The following BMP4 variants were observed in gnomAD, a reference collection of about 807,000 sequenced individuals.
BMP4 encodes the protein bone morphogenetic protein 4, also known as bone morphogenetic protein 2B.
Under a neutral mutation model 29.6 loss-of-function variants are expected in BMP4, and 3 were observed. That is an observed-to-expected ratio of 0.10 (90% CI 0.05 to 0.26). The LOEUF (loss-of-function observed/expected upper bound fraction) is 0.26, where lower values mean the gene tolerates loss of function less well. BMP4 is among the 10% of genes least tolerant of loss of function. BMP4 has a pLI of 1.00. For missense variants in BMP4, 455 were observed against 550.2 expected (o/e 0.83, Z 1.73); for synonymous variants, 197 against 213.2 (o/e 0.92, Z 0.66).
Position 53,955,232 on chromosome 14 carries a change from G to A in BMP4, c.-133+1318C>T, listed in dbSNP as rs1285989761. ...AGGTCCAGAAGTAGAGAAAGCAGAC[G>A]GAGGCAAGCTGTGCCCGCGGGGCAA... is the stretch of plus-strand genomic sequence containing the variant. On this transcript the variant is annotated intron_variant, in intron 1 of 3. Coordinates refer to ENST00000245451, the MANE Select transcript of BMP4 (RefSeq NM_001202.6). The surrounding 1 kb of genome is among the most constrained non-coding windows in gnomAD (Gnocchi z 4.0). 6.6e-6 allele frequency among the ~76,000 whole-genome samples: 1 copy of A among 152,208 alleles called. No individual in the cohort carries two copies. Among genetic ancestry groups the A allele is most frequent in the Non-Finnish European group, 1.5e-5 (1 of 68,036 alleles).
intron 2 of BMP4, 31 bp downstream of exon 2, chr14:53,953,245 G>T: frequency 2.5e-6 from 1 of 396,712 alleles, no homozygotes; most frequent in South Asian, 1.3e-4. Flanking sequence ...AGTGAATTCC[G>T]GGGAGGGGGA....
intron 2 of BMP4, among the ~76,000 whole-genome samples, chr14:53,952,856 C>G (rs902171543): frequency 3.9e-5 from 6 of 152,154 alleles, no homozygotes; most frequent in Non-Finnish European, 7.4e-5. Context: ...GCCAAAAGTG[C>G]CTGATCGTGC....
rs1480440259 is a variant in BMP4 at position 53,954,171 on chromosome 14, G to C, written c.-132-771C>G. Among the ~76,000 whole-genome samples the C allele has an allele frequency of 6.6e-6, 1 of 152,038 alleles. No individual in the cohort carries two copies. The highest frequency in any genetic ancestry group is 2.4e-5 in the African/African-American group (1 of 41,398). On this transcript the variant is annotated intron_variant, in intron 1 of 3. Transcript: ENST00000245451. This position sits in a 1 kb window ranked among gnomAD's most constrained non-coding sequence, Gnocchi z 4.8. The stretch of plus-strand genomic sequence containing the variant: ...TCGCTGTGGGAAAGTGAGAGGGAGC[G>C]GCTGTTAGTCATTGCTCCGGGTCCA...
intron 2 of BMP4, among the ~76,000 whole-genome samples, chr14:53,952,624 G>A (rs1417674677): frequency 6.6e-6 from 1 of 152,174 alleles, no homozygotes; most frequent in African/African-American, 2.4e-5. Flanking sequence ...AAATGGCATT[G>A]CTCTCCACTT....
chr14:53,952,741 C>A (rs1566582317), intron 2 of BMP4, among the ~76,000 whole-genome samples: 1 of 151,964 alleles, frequency 6.6e-6, no homozygotes, highest in Non-Finnish European at 1.5e-5. Flanking sequence ...AGGGGCTGGG[C>A]GAAGACAGAG....
rs185647938 is a variant in BMP4, at chr14:53,950,004, T to A, written c.*28A>T. 3.6e-4 allele frequency: 584 copies of A among 1,613,230 alleles called. 3 individuals are homozygous for A. The African/African-American group carries it at 7.1e-3, about 20-fold the overall frequency. ...GTGGTGTGTGTGTGTGGTGTGTATA[T>A]CTGTCTATCCTCAAGGACTGCCTGA... On this transcript the variant is annotated 3_prime_UTR_variant, in exon 4 of 4. Coordinates refer to ENST00000245451, the MANE Select transcript of BMP4 (RefSeq NM_001202.6). The surrounding 1 kb of genome is among the most constrained non-coding windows in gnomAD (Gnocchi z 5.4).
intron 1 of BMP4, 26 bp from the exon 2 acceptor site, chr14:53,953,426 A>G: frequency 5.0e-6 from 2 of 398,956 alleles, no homozygotes; most frequent in Non-Finnish European, 4.4e-6. Context: ...GAATATAATG[A>G]GACTCCACCG....
Position 53,951,946 on chromosome 14 carries a change from C to T in BMP4, c.277G>A (p.Glu93Lys). 1.9e-6 allele frequency: 3 copies of T among 1,609,134 alleles called. No homozygotes were observed. Among genetic ancestry groups the T allele is most frequent in the Admixed American group, 1.7e-5 (1 of 60,028 alleles). ...CTGTGGATCTGCTCTTCCTCCTCCT[C>T]CCCAGACTGAAGCCGGTAAAGATCC... ...MRDLYRLQSG[E>K]EEEEQIHSTG... The change falls in exon 3 of 4, where the codon GAG (glutamate) becomes AAG (lysine). Residue 93 changes from glutamate to lysine, a missense_variant. Transcript: ENST00000245451.
chr14:53,955,560 G>A lies in BMP4; in HGVS notation c.-133+990C>T, dbSNP rs1895684361. ...TCGAATCTTCTCCTAATGCCGAAATGTGTTTACAGGTAGCCTCAGTTTACC... is the reference window on the plus strand; with the variant it reads ...TCGAATCTTCTCCTAATGCCGAAATATGTTTACAGGTAGCCTCAGTTTACC... On this transcript the variant is annotated intron_variant, in intron 1 of 3. Coordinates refer to ENST00000245451, the MANE Select transcript of BMP4 (RefSeq NM_001202.6). This position sits in a 1 kb window ranked among gnomAD's most constrained non-coding sequence, Gnocchi z 4.0. 2 of 152,250 alleles carry A rather than the reference G, an allele frequency of 1.3e-5. No individual in the cohort carries two copies. The highest frequency in any genetic ancestry group is 1.3e-4 in the Admixed American group (2 of 15,286). 9.4% of individuals were successfully genotyped at this position (152,250 alleles called of 1,614,324 possible).
chr14:53,952,369 G>T, intron 2 of BMP4, 140 bp from the exon 3 acceptor site: 1 of 1,105,704 alleles, frequency 9.0e-7, no homozygotes, highest in Non-Finnish European at 1.3e-6. Context: ...GATCAAGTTT[G>T]TGTCTTCTCC....
rs367958159 is a variant in BMP4, at chr14:53,950,913, G to T, written c.371-25C>A. 6 of 1,599,188 alleles carry T rather than the reference G, an allele frequency of 3.8e-6. No homozygotes were observed. In the African/African-American group the frequency reaches 6.7e-5, roughly 18 times the overall value. On this transcript the variant is annotated intron_variant, in intron 3 of 3. Coordinates refer to ENST00000245451, the MANE Select transcript of BMP4 (RefSeq NM_001202.6). This position sits in a 1 kb window ranked among gnomAD's most constrained non-coding sequence, Gnocchi z 5.4. ...TCTAGGCACAGTTAGGAAGGAAGGGGAAAAGAAAAAGCATATGAACTTTTT... is the reference window on the plus strand; with the variant it reads ...TCTAGGCACAGTTAGGAAGGAAGGGTAAAAGAAAAAGCATATGAACTTTTT...
In BMP4 at chr14:53,955,530, C is replaced by T. The variant is rs547863493; in HGVS notation, c.-133+1020G>A. 8 of 152,390 alleles carry T rather than the reference C, an allele frequency of 5.2e-5. No individual in the cohort carries two copies. The highest frequency in any genetic ancestry group is 1.9e-4 in the African/African-American group (8 of 41,582). 9.4% of individuals were successfully genotyped at this position (152,390 alleles called of 1,614,324 possible). A position where few individuals can be genotyped will look rare whatever the true frequency, so the allele number is the denominator to read the frequency against. ...ACTCGGGGTGGTTGTCCTTCACTTCCCTACTCGAATCTTCTCCTAATGCCG... is the reference window on the plus strand; with the variant it reads ...ACTCGGGGTGGTTGTCCTTCACTTCTCTACTCGAATCTTCTCCTAATGCCG... On this transcript the variant is annotated intron_variant, in intron 1 of 3. Coordinates refer to ENST00000245451, the MANE Select transcript of BMP4 (RefSeq NM_001202.6). The surrounding 1 kb of genome is among the most constrained non-coding windows in gnomAD (Gnocchi z 4.0).
rs1191198347 is a variant in BMP4 at position 53,950,227 on chromosome 14, T to C, written c.1032A>G (p.Pro344=). 5.0e-6 allele frequency: 8 copies of C among 1,614,172 alleles called. No individual in the cohort carries two copies. In the Admixed American group the frequency reaches 1.2e-4, roughly 24 times the overall value. ...TGGTTGAGTTGAGGTGGTCAGCCAG[T>C]GGAAAGGGGCAGTCCCCATGGCAGT... is the stretch of plus-strand genomic sequence containing the variant. ...AFYCHGDCPF[P]LADHLNSTNH... is the part of the protein sequence containing the mutation. Residue 344 remains proline (P), a synonymous_variant, in exon 4 of 4, where the codon CCA becomes CCG. Coordinates refer to ENST00000245451, the MANE Select transcript of BMP4 (RefSeq NM_001202.6). This position sits in a 1 kb window ranked among gnomAD's most constrained non-coding sequence, Gnocchi z 5.4.
intron 3 of BMP4, 69 bp downstream of exon 3, chr14:53,951,784 A>C (rs1285076271): frequency 6.4e-7 from 1 of 1,572,838 alleles, no homozygotes; most frequent in East Asian, 2.2e-5. Flanking sequence ...CTTCTTCCCC[A>C]GGGCTTTCAC....
At chr14:53,951,747 G>A in intron 3 of BMP4, 106 bp downstream of exon 3, 1 of 1,495,728 alleles carries the variant, frequency 6.7e-7, no homozygotes, top group African/African-American at 1.4e-5. Flanking sequence ...CAGCCTCCTG[G>A]ACTGGGGCTT....
chr14:53,954,511 T>G lies in BMP4; in HGVS notation c.-132-1111A>C, dbSNP rs1304101686. The G allele has an allele frequency of 6.6e-6, 1 of 151,976 alleles. No individual in the cohort carries two copies. The highest frequency in any genetic ancestry group is 1.5e-5 in the Non-Finnish European group (1 of 68,070). The allele number at this position is 151,976 out of a possible 1,614,324, so 9.4% of individuals were successfully genotyped here. ...TCTCTCTCGCCTCGGCTTCCCTTAT[T>G]TTTTAAACCACCACCACACTCCTTC... On this transcript the variant is annotated intron_variant, in intron 1 of 3. Coordinates refer to ENST00000245451, the MANE Select transcript of BMP4 (RefSeq NM_001202.6). This position sits in a 1 kb window ranked among gnomAD's most constrained non-coding sequence, Gnocchi z 4.8.
In BMP4 at chr14:53,954,506, C is replaced by T. The variant is rs1895629031; in HGVS notation, c.-132-1106G>A. On this transcript the variant is annotated intron_variant, in intron 1 of 3. Transcript: ENST00000245451. This position sits in a 1 kb window ranked among gnomAD's most constrained non-coding sequence, Gnocchi z 4.8. ...CTGCGTCTCTCTCGCCTCGGCTTCC[C>T]TTATTTTTTAAACCACCACCACACT... 1 of 152,208 alleles carries T rather than the reference C, an allele frequency of 6.6e-6. No homozygotes were observed. The highest frequency in any genetic ancestry group is 1.5e-5 in the Non-Finnish European group (1 of 68,108). The allele number at this position is 152,208 out of a possible 1,614,324, so 9.4% of individuals were successfully genotyped here. A position where few individuals can be genotyped will look rare whatever the true frequency, so the allele number is the denominator to read the frequency against.
chr14:53,950,513 C>A lies in BMP4; in HGVS notation c.746G>T (p.Gly249Val). The A allele has an allele frequency of 1.2e-6, 2 of 1,614,210 alleles. No individual in the cohort carries two copies. The highest frequency in any genetic ancestry group is 8.5e-7 in the Non-Finnish European group (1 of 1,180,034). Residue 249 changes from glycine (G) to valine (V), a missense_variant, in exon 4 of 4, where the codon GGC (glycine) becomes GTC (valine). Coordinates refer to ENST00000245451, the MANE Select transcript of BMP4 (RefSeq NM_001202.6). The surrounding 1 kb of genome is among the most constrained non-coding windows in gnomAD (Gnocchi z 5.4). ...THLHQTRTHQ[G>V]QHVRISRSLP... ...CGATCGGCTAATCCTGACATGCTGG[C>A]CCTGGTGGGTCCGAGTCTGATGGAG...
At chr14:53,956,856 C>T (rs1397454661), upstream of BMP4, 1 of 394,902 alleles carries the variant, frequency 2.5e-6, no homozygotes, top group Admixed American at 4.4e-5. Flanking sequence ...CGCTTTCTTT[C>T]TTTCCTTCCT....
Sources: gnomAD v4.1 joint callset for allele counts (sites outside exome capture counted in the v4.1 genomes callset) on GRCh38, gnomAD v4.1.1 for gene constraint, Gnocchi (gnomAD v3.1) non-coding constraint, MANE v1.5 for transcripts, NCBI Gene and HGNC (gene_info 2026-07-23, HGNC 2026-07-21) for gene names.